Variants in PIK3C2G observed in about 807,000 individuals in gnomAD.
PIK3C2G encodes phosphatidylinositol-4-phosphate 3-kinase catalytic subunit type 2 gamma.
A neutral mutation model predicts 181.1 loss-of-function variants in PIK3C2G; 168 were observed. The ratio of observed to expected loss-of-function variants is 0.93; its 90% CI spans 0.82 to 1.05. The LOEUF (loss-of-function observed/expected upper bound fraction) is 1.05. Ranked by LOEUF, PIK3C2G falls within the 50% of genes least tolerant of loss-of-function variation. The pLI is 0.00. For missense variants in PIK3C2G, 1,869 were observed against 1,732.8 expected (o/e 1.08, Z -1.40); for synonymous variants, 573 against 592.2 (o/e 0.97, Z 0.47).
rs1944030392 is a variant in PIK3C2G, at chr12:18,398,502, T to TC, written c.2127-1156dup. Among the ~76,000 whole-genome samples, 4 of 152,204 alleles carry TC rather than the reference T, an allele frequency of 2.6e-5. No homozygotes were observed. In the South Asian group the frequency reaches 8.3e-4, roughly 32 times the overall value. On this transcript the variant is annotated intron_variant, in intron 15 of 32. Transcript: ENST00000538779. Reference sequence around the variant, plus strand: ...GACCTTTAAAAGATTTTTTTATGTTTCATTAGCTTTCTTGGGAGTTTCAGC... The same window carrying TC: ...GACCTTTAAAAGATTTTTTTATGTTTCCATTAGCTTTCTTGGGAGTTTCAGC...
At chr12:18,500,131 G>T (rs1234361673) in intron 22 of PIK3C2G, among the ~76,000 whole-genome samples, 2 of 152,172 alleles carry the variant, frequency 1.3e-5, no homozygotes, top group African/African-American at 2.4e-5. Context: ...CCCTCAGCTT[G>T]CGGGGAGTTA....
the PIK3C2G span, among the ~76,000 whole-genome samples, chr12:18,690,734 CA>C: frequency 6.6e-6 from 1 of 152,028 alleles, no homozygotes; most frequent in Non-Finnish European, 1.5e-5. Context: ...AAAACTGAGT[CA>C]AAATGAAATA....
chr12:18,615,831 C>G (rs1344812497), intron 31 of PIK3C2G, among the ~76,000 whole-genome samples: 1 of 152,016 alleles, frequency 6.6e-6, no homozygotes, highest in Non-Finnish European at 1.5e-5. Flanking sequence ...CATTCTAAGA[C>G]TGCATTTTAC....
chr12:18,431,854 T>G (rs1009755028), intron 18 of PIK3C2G, among the ~76,000 whole-genome samples: 12 of 152,352 alleles, frequency 7.9e-5, no homozygotes, highest in African/African-American at 2.9e-4. Flanking sequence ...TCCACTTTGT[T>G]GTCCTCAGAA....
chr12:18,245,790 A>G (rs1438538018), upstream of PIK3C2G, among the ~76,000 whole-genome samples: 4 of 152,102 alleles, frequency 2.6e-5, no homozygotes, highest in Non-Finnish European at 5.9e-5. Flanking sequence ...TCATGCTAAA[A>G]TATTTATTGT....
At chr12:18,480,531 A>T (rs1939452827) in intron 18 of PIK3C2G, among the ~76,000 whole-genome samples, 2 of 152,102 alleles carry the variant, frequency 1.3e-5, no homozygotes, top group Admixed American at 1.3e-4. Flanking sequence ...GGCAAGACTT[A>T]ACTCCAGATG....
At chr12:18,427,649 T>C (rs1026155054) in intron 18 of PIK3C2G, among the ~76,000 whole-genome samples, 33 of 152,106 alleles carry the variant, frequency 2.2e-4, no homozygotes, top group African/African-American at 6.8e-4. Flanking sequence ...GTGGAGTCAT[T>C]TGAAAGGCAA....
intron 31 of PIK3C2G, among the ~76,000 whole-genome samples, chr12:18,620,469 CTT>C (rs1948804262): frequency 6.6e-6 from 1 of 151,822 alleles, no homozygotes; most frequent in Non-Finnish European, 1.5e-5. Context: ...CTATTTGTGT[CTT>C]TACATTTAAA....
At chr12:18,656,177 C>T in the PIK3C2G span, among the ~76,000 whole-genome samples, 1 of 152,084 alleles carries the variant, frequency 6.6e-6, no homozygotes, top group Non-Finnish European at 1.5e-5. Context: ...ACCTGTAATC[C>T]CAGCACTTTG....
At chr12:18,418,660 G>C (rs1456215427) in intron 16 of PIK3C2G, among the ~76,000 whole-genome samples, 2 of 152,150 alleles carry the variant, frequency 1.3e-5, no homozygotes, top group East Asian at 3.8e-4. Context: ...TTAAAGGCTA[G>C]AGCCATTAGG....
intron 26 of PIK3C2G, among the ~76,000 whole-genome samples, chr12:18,559,356 A>C (rs2136318584): frequency 6.6e-6 from 1 of 152,230 alleles, no homozygotes; most frequent in Non-Finnish European, 1.5e-5. Flanking sequence ...GTGGAGGCAA[A>C]CCATTAAATT....
chr12:18,293,752 G>C, intron 4 of PIK3C2G, 149 bp from the exon 5 acceptor site: 2 of 607,112 alleles, frequency 3.3e-6, no homozygotes, highest in Non-Finnish European at 5.9e-6. Context: ...AGTCTGATAA[G>C]TCAGATGAAT....
intron 24 of PIK3C2G, among the ~76,000 whole-genome samples, chr12:18,509,212 A>AT (rs980036908): frequency 7.3e-5 from 11 of 151,658 alleles, no homozygotes; most frequent in South Asian, 2.1e-4. Flanking sequence ...CGCCTGGCTA[A>AT]TTTTTTTTGT....
chr12:18,337,081 T>C (rs967483423), intron 8 of PIK3C2G, among the ~76,000 whole-genome samples: 5 of 152,118 alleles, frequency 3.3e-5, no homozygotes, highest in Non-Finnish European at 7.4e-5. Context: ...TAATTCTCCA[T>C]TGGAAGGACG....
the PIK3C2G span, among the ~76,000 whole-genome samples, chr12:18,721,902 A>T: frequency 6.6e-6 from 1 of 152,008 alleles, no homozygotes; most frequent in Admixed American, 6.6e-5. Flanking sequence ...AAATCTTTGC[A>T]TGGCACTGAG....
intron 31 of PIK3C2G, among the ~76,000 whole-genome samples, chr12:18,630,070 A>G (rs1949283259): frequency 6.6e-6 from 1 of 152,094 alleles, no homozygotes; most frequent in Non-Finnish European, 1.5e-5. Flanking sequence ...ATTTGCTATA[A>G]AAGAAAGGAA....
chr12:18,471,939 T>C (rs754556776), intron 18 of PIK3C2G, among the ~76,000 whole-genome samples: 1 of 152,148 alleles, frequency 6.6e-6, no homozygotes, highest in African/African-American at 2.4e-5. Context: ...AGATTCATAA[T>C]AGATTCCATT....
intron 23 of PIK3C2G, among the ~76,000 whole-genome samples, chr12:18,505,027 A>G (rs1356617065): frequency 1.3e-5 from 2 of 152,206 alleles, no homozygotes; most frequent in Non-Finnish European, 2.9e-5. Context: ...ACCAATGAAA[A>G]TTAGCTCCAT....
Position 18,424,141 on chromosome 12 carries a change from C to T in PIK3C2G, c.2504+102C>T, listed in dbSNP as rs531566842. The T allele has an allele frequency of 2.4e-5, 16 of 674,444 alleles. No homozygotes were observed. In the East Asian group the frequency reaches 4.4e-4, roughly 19 times the overall value. 41.8% of individuals were successfully genotyped at this position (674,444 alleles called of 1,614,324 possible). A position where few individuals can be genotyped will look rare whatever the true frequency, so the allele number is the denominator to read the frequency against. On this transcript the variant is annotated intron_variant, in intron 18 of 32. Coordinates refer to ENST00000538779, the MANE Select transcript of PIK3C2G (RefSeq NM_001288772.2). ...ATATTTCTTTACCTTATAATTGATA[C>T]AGACCATAAAATTCAGGCAGTTTTG...
Sources: allele counts gnomAD v4.1 joint callset (sites outside exome capture counted in the v4.1 genomes callset), GRCh38; gene constraint gnomAD v4.1.1; transcripts MANE v1.5; gene names NCBI Gene and HGNC (gene_info 2026-07-23, HGNC 2026-07-21).